The following KALRN variants were observed in gnomAD, a reference collection of about 807,000 sequenced individuals.
KALRN encodes the protein kalirin.
In KALRN, 70 loss-of-function variants were observed where a neutral mutation model predicts 353.7. The ratio of observed to expected loss-of-function variants is 0.20; its 90% CI spans 0.16 to 0.24. The LOEUF is 0.24. Among genes scored for constraint, KALRN ranks in the 10% least tolerant of loss-of-function variants. The pLI, the probability that KALRN is intolerant of heterozygous loss-of-function variation, is 1.00. For synonymous variants in KALRN, 1,391 were observed against 1,434.8 expected, an observed-to-expected ratio of 0.97 and a Z score of 0.69; for missense variants, 2,791 against 3,756.7, an observed-to-expected ratio of 0.74 and a Z score of 6.72.
intron 25 of KALRN, among the ~76,000 whole-genome samples, chr3:124,472,432 G>A (rs943495953): frequency 2.6e-5 from 4 of 152,180 alleles, no homozygotes; most frequent in East Asian, 1.9e-4. Flanking sequence ...GCTCATGCCT[G>A]TAATCCCAGC....
intron 13 of KALRN, among the ~76,000 whole-genome samples, chr3:124,408,764 T>G (rs663513): frequency 6.6e-6 from 1 of 151,808 alleles, no homozygotes; most frequent in Non-Finnish European, 1.5e-5. Flanking sequence ...GCAGATACAG[T>G]TCAAAACATC....
At position 124,660,956 on chromosome 3, in the gene KALRN, G is replaced by A; in HGVS notation, c.6250G>A (p.Glu2084Lys). 3 of 1,610,634 alleles carry A rather than the reference G, an allele frequency of 1.9e-6. No individual in the cohort carries two copies. Among genetic ancestry groups the A allele is most frequent in the Admixed American group, 3.3e-5 (2 of 60,010 alleles). ...FLRYSEKAGLECSDIEKAVEL... is the reference protein window; with the variant it reads ...FLRYSEKAGLKCSDIEKAVEL... Reference sequence around the variant, plus strand: ...GAGATACAGTGAGAAGGCTGGTTTGGAGTGTTCAGATATTGAGGTGAGTTT... The same window carrying A: ...GAGATACAGTGAGAAGGCTGGTTTGAAGTGTTCAGATATTGAGGTGAGTTT... Residue 2084 changes from glutamate (E) to lysine (K), a missense_variant, in exon 44 of 60, where the codon GAG (glutamate) becomes AAG (lysine). Glu to Lys is a moderately conservative substitution (Grantham distance 56). Coordinates refer to ENST00000682506, the MANE Select transcript of KALRN (RefSeq NM_001388419.1).
intron 1 of KALRN, among the ~76,000 whole-genome samples, chr3:124,199,444 C>T (rs1421904923): frequency 1.3e-5 from 2 of 152,188 alleles, no homozygotes; most frequent in African/African-American, 4.8e-5. Flanking sequence ...CTAAATTGGG[C>T]ACCCACAGGA....
At chr3:124,431,973 C>A (rs1044312741) in intron 16 of KALRN, among the ~76,000 whole-genome samples, 2 of 152,124 alleles carry the variant, frequency 1.3e-5, no homozygotes, top group African/African-American at 4.8e-5. Context: ...ACAGCATCAG[C>A]AAATCATTTT....
Position 124,248,262 on chromosome 3 carries a change from C to G in KALRN, c.263+13319C>G, listed in dbSNP as rs548196732. 2.0e-5 allele frequency among the ~76,000 whole-genome samples: 3 copies of G among 152,174 alleles called. No homozygotes were observed. In the South Asian group the frequency reaches 6.2e-4, roughly 32 times the overall value. ...AAAAAGGAGAGGGCTTCACCCCCCCCATACTCCTTAGGGCCAATGCCGGGA... is the reference window on the plus strand; with the variant it reads ...AAAAAGGAGAGGGCTTCACCCCCCCGATACTCCTTAGGGCCAATGCCGGGA... On this transcript the variant is annotated intron_variant, in intron 3 of 59. Coordinates refer to ENST00000682506, the MANE Select transcript of KALRN (RefSeq NM_001388419.1).
chr3:124,154,792 C>T (rs1425106244), intron 1 of KALRN, among the ~76,000 whole-genome samples: 37 of 152,124 alleles, frequency 2.4e-4, no homozygotes, highest in Admixed American at 1.3e-4. Context: ...AAAAAGAGCC[C>T]GCATCGCCAA....
chr3:124,129,142 C>T (rs2065006108), intron 1 of KALRN, among the ~76,000 whole-genome samples: 1 of 152,104 alleles, frequency 6.6e-6, no homozygotes, highest in African/African-American at 2.4e-5. Context: ...AGTCATTGTG[C>T]TCAGGCAGCT....
intron 25 of KALRN, among the ~76,000 whole-genome samples, chr3:124,469,650 C>T (rs2060691560): frequency 6.6e-6 from 1 of 152,122 alleles, no homozygotes; most frequent in South Asian, 2.1e-4. Flanking sequence ...AACCTCACAC[C>T]TTTCTCCCCA....
intron 5 of KALRN, among the ~76,000 whole-genome samples, chr3:124,278,631 C>A (rs751803594): frequency 4.6e-5 from 7 of 152,000 alleles, no homozygotes; most frequent in African/African-American, 7.3e-5. Flanking sequence ...TAGGGCAGTG[C>A]AGGGAAAATC....
At chr3:124,333,227 G>A (rs1255026996) in intron 8 of KALRN, among the ~76,000 whole-genome samples, 1 of 152,068 alleles carries the variant, frequency 6.6e-6, no homozygotes, top group Non-Finnish European at 1.5e-5. Flanking sequence ...GGTGATTATG[G>A]GAACTACAAT....
In KALRN at chr3:124,219,533, G is replaced by A. The variant is rs142960618; in HGVS notation, c.74-8457G>A. 2.6e-5 allele frequency among the ~76,000 whole-genome samples: 4 copies of A among 152,348 alleles called. No homozygotes were observed. In the East Asian group the frequency reaches 7.7e-4, roughly 29 times the overall value. ...TCTCAGGTTACAGGAGACCTGGTCA[G>A]TTTGCTTAGAAAAGCTCAGTATTTA... On this transcript the variant is annotated intron_variant, in intron 1 of 59. Coordinates refer to ENST00000682506, the MANE Select transcript of KALRN (RefSeq NM_001388419.1).
chr3:124,672,578 G>C (rs1472922153), intron 48 of KALRN, among the ~76,000 whole-genome samples: 1 of 152,186 alleles, frequency 6.6e-6, no homozygotes, highest in South Asian at 2.1e-4. Context: ...GATCATCAGT[G>C]TGTGAATGGG....
chr3:124,642,806 G>GTTGTTTTTTTTTTGTTTTTTTTTTTTTT (rs796628603), intron 37 of KALRN, among the ~76,000 whole-genome samples: 1 of 96,840 alleles, frequency 1.0e-5, no homozygotes, highest in African/African-American at 4.5e-5. Flanking sequence ...CCCAAGCCTC[G>GTTGTTTTTTTTTTGTTTTTTTTTTTTTT]TTTTTTTTTT....
At chr3:124,342,392 T>C (rs2149516339) in intron 9 of KALRN, among the ~76,000 whole-genome samples, 1 of 152,314 alleles carries the variant, frequency 6.6e-6, no homozygotes, top group East Asian at 1.9e-4. Flanking sequence ...CTTCCACATA[T>C]AAGTGAGAAC....
intron 7 of KALRN, among the ~76,000 whole-genome samples, chr3:124,326,532 T>C (rs889238311): frequency 8.5e-5 from 13 of 152,200 alleles, no homozygotes; most frequent in Admixed American, 2.6e-4. Flanking sequence ...AAAGTGATCA[T>C]TGAGGTGCTG....
chr3:124,322,693 G>A (rs1044904288), intron 6 of KALRN, among the ~76,000 whole-genome samples: 1 of 152,208 alleles, frequency 6.6e-6, no homozygotes, highest in Non-Finnish European at 1.5e-5. Flanking sequence ...TATGCTTAAT[G>A]AGTAAGCACT....
At chr3:124,211,553 A>G (rs534412318) in intron 1 of KALRN, among the ~76,000 whole-genome samples, 1 of 152,330 alleles carries the variant, frequency 6.6e-6, no homozygotes, top group East Asian at 1.9e-4. Context: ...GCTCACAGGT[A>G]AAAGGTACAG....
At chr3:124,337,690 A>G (rs1447402221) in intron 9 of KALRN, among the ~76,000 whole-genome samples, 1 of 152,006 alleles carries the variant, frequency 6.6e-6, no homozygotes, top group Non-Finnish European at 1.5e-5. Context: ...CTCTTCTTCT[A>G]TTGTTTGGAA....
chr3:124,569,413 C>T (rs544908963), intron 34 of KALRN, among the ~76,000 whole-genome samples: 3 of 152,310 alleles, frequency 2.0e-5, no homozygotes, highest in East Asian at 3.9e-4. Context: ...TTGATAATGT[C>T]GACTTGTGTT....
Sources: gnomAD v4.1 joint callset for allele counts (sites outside exome capture counted in the v4.1 genomes callset) on GRCh38, gnomAD v4.1.1 for gene constraint, MANE v1.5 for transcripts, NCBI Gene and HGNC (gene_info 2026-07-23, HGNC 2026-07-21) for gene names.